SPTLC2: variants seen among roughly 807,000 people sequenced by gnomAD.
SPTLC2 encodes the protein serine palmitoyltransferase long chain base subunit 2, also known as serine palmitoyltransferase 2.
In SPTLC2, 21 loss-of-function variants were observed where a neutral mutation model predicts 62.0. The observed-to-expected ratio is 0.34, with a 90% confidence interval of 0.24 to 0.49. The LOEUF is 0.49. Ranked by LOEUF, SPTLC2 falls within the 20% of genes least tolerant of loss-of-function variation. The probability of loss-of-function intolerance (pLI) is 0.99; values close to 1 mark genes in which losing one functional copy is unlikely to be tolerated. For missense variants in SPTLC2, 511 were observed against 713.0 expected (o/e 0.72, Z 3.23); for synonymous variants, 261 against 261.8 (o/e 1.00, Z 0.03).
At chr14:77,512,522 A>C in intron 11 of SPTLC2, 119 bp from the exon 12 acceptor site, 1 of 1,467,590 alleles carries the variant, frequency 6.8e-7, no homozygotes, top group Non-Finnish European at 9.4e-7. Context: ...ACTTATGTCT[A>C]GTGCATTTAC....
intron 2 of SPTLC2, among the ~76,000 whole-genome samples, chr14:77,592,592 T>A (rs1010345252): frequency 2.6e-5 from 4 of 152,190 alleles, no homozygotes; most frequent in Non-Finnish European, 5.9e-5. Context: ...CCATTTTTAA[T>A]CTACTTATTT....
At position 77,608,862 on chromosome 14, in the gene SPTLC2, G is replaced by A. The variant is rs143794518; in HGVS notation, c.132+7586C>T. 5.9e-3 allele frequency among the ~76,000 whole-genome samples: 898 copies of A among 151,262 alleles called. 13 individuals are homozygous for A. Among genetic ancestry groups the A allele is most frequent in the African/African-American group, 0.021 (850 of 41,220 alleles). ...TGAACTTGGAGGCGGAGGTTGCAGT[G>A]AGCCGAGATCACATCACTGCACTCC... is the stretch of plus-strand genomic sequence containing the variant. On this transcript the variant is annotated intron_variant, in intron 1 of 11. Transcript: ENST00000216484.
intron 9 of SPTLC2, among the ~76,000 whole-genome samples, chr14:77,551,379 AG>A (rs2079554687): frequency 8.6e-6 from 1 of 116,386 alleles, no homozygotes; most frequent in Non-Finnish European, 1.7e-5. Context: ...TGACAGAGTG[AG>A]ACTCCGTCTC....
chr14:77,578,806 C>T, intron 3 of SPTLC2, 149 bp downstream of exon 3: 1 of 770,554 alleles, frequency 1.3e-6, no homozygotes, highest in Non-Finnish European at 2.2e-6. Flanking sequence ...AAAAGCTCAA[C>T]AATGAAGAAT....
intron 9 of SPTLC2, among the ~76,000 whole-genome samples, chr14:77,531,995 ATCTC>A (rs1213216358): frequency 6.6e-6 from 1 of 152,226 alleles, no homozygotes; most frequent in East Asian, 1.9e-4. Flanking sequence ...TAAATTTCTC[ATCTC>A]TCTATTGATG....
At chr14:77,585,725 T>C (rs2079777365) in intron 2 of SPTLC2, among the ~76,000 whole-genome samples, 2 of 152,324 alleles carry the variant, frequency 1.3e-5, no homozygotes, top group South Asian at 4.1e-4. Context: ...TTTACTTTTA[T>C]TCAAAACTTG....
chr14:77,579,936 A>G (rs1175041087), intron 2 of SPTLC2, among the ~76,000 whole-genome samples: 1 of 152,190 alleles, frequency 6.6e-6, no homozygotes, highest in Non-Finnish European at 1.5e-5. Context: ...TAAAAATAAA[A>G]TGTAGTCATA....
intron 2 of SPTLC2, among the ~76,000 whole-genome samples, chr14:77,591,702 G>A (rs1475133387): frequency 7.6e-6 from 1 of 131,282 alleles, no homozygotes; most frequent in Non-Finnish European, 1.6e-5. Context: ...CTGTATGTAT[G>A]TATGTATGTA....
At chr14:77,608,115 G>C (rs57816046) in intron 1 of SPTLC2, among the ~76,000 whole-genome samples, 4,164 of 152,290 alleles carry the variant, frequency 0.027, 183 homozygotes, top group African/African-American at 0.096. Context: ...GGAGAGCTTA[G>C]GGAGAGGTGA....
chr14:77,546,626 T>TTCAAAGGCAAAGA (rs1485094042), intron 9 of SPTLC2, among the ~76,000 whole-genome samples: 1 of 152,146 alleles, frequency 6.6e-6, no homozygotes, highest in Non-Finnish European at 1.5e-5. Flanking sequence ...GGACTGTTTT[T>TTCAAAGGCAAAGA]TCAAAGGCAA....
At position 77,506,294 on chromosome 14, in the gene SPTLC2, A is replaced by AT. The variant is rs149453307; in HGVS notation, c.*5989dup. 44 of 152,358 alleles carry AT rather than the reference A, an allele frequency of 2.9e-4. No individual in the cohort carries two copies. The East Asian group carries it at 6.0e-3, about 21-fold the overall frequency. 9.4% of individuals were successfully genotyped at this position (152,358 alleles called of 1,614,324 possible). On this transcript the variant is annotated 3_prime_UTR_variant, in exon 12 of 12. Coordinates refer to ENST00000216484, the MANE Select transcript of SPTLC2 (RefSeq NM_004863.4). ...TCTCAGTTTCCCAGGTTATATGAAC[A>AT]TTACAGCAATAGAAAGGGGTTATCA...
rs116787204 is a variant in SPTLC2 at position 77,545,451 on chromosome 14, T to C, written c.1303+6645A>G. Among the ~76,000 whole-genome samples the C allele has an allele frequency of 6.5e-3, 993 of 152,216 alleles. 9 individuals are homozygous for C. Among genetic ancestry groups the C allele is most frequent in the African/African-American group, 0.022 (913 of 41,542 alleles). The stretch of plus-strand genomic sequence containing the variant: ...CTGGCTAAATTTTTTTGTATTTCAG[T>C]AGAGACAGGGTTTCGCCATGTTGGT... On this transcript the variant is annotated intron_variant, in intron 9 of 11. Coordinates refer to ENST00000216484, the MANE Select transcript of SPTLC2 (RefSeq NM_004863.4).
At chr14:77,571,819 C>T (rs1289257609) in intron 4 of SPTLC2, among the ~76,000 whole-genome samples, 1 of 152,020 alleles carries the variant, frequency 6.6e-6, no homozygotes, top group Non-Finnish European at 1.5e-5. Flanking sequence ...GAGAGAGAGT[C>T]TCGCACTGTC....
chr14:77,544,348 G>A (rs2079517430), intron 9 of SPTLC2, among the ~76,000 whole-genome samples: 1 of 152,042 alleles, frequency 6.6e-6, no homozygotes, highest in Non-Finnish European at 1.5e-5. Flanking sequence ...ATATTCTAGG[G>A]CCTCATCCAC....
chr14:77,558,133 C>T (rs776822699), intron 6 of SPTLC2, among the ~76,000 whole-genome samples: 3 of 151,758 alleles, frequency 2.0e-5, no homozygotes, highest in Non-Finnish European at 4.4e-5. Flanking sequence ...CTGAGGCCTC[C>T]ACCTCCAAGG....
At chr14:77,557,233 G>A in intron 6 of SPTLC2, 87 bp from the exon 7 acceptor site, 1 of 1,214,620 alleles carries the variant, frequency 8.2e-7, no homozygotes, top group Non-Finnish European at 1.2e-6. Flanking sequence ...TTCTCATTCA[G>A]AAACCATGCC....
At chr14:77,611,916 A>AT (rs756603996) in intron 1 of SPTLC2, among the ~76,000 whole-genome samples, 4 of 151,638 alleles carry the variant, frequency 2.6e-5, no homozygotes, top group African/African-American at 4.9e-5. Flanking sequence ...AGTAAAAATT[A>AT]TTTTTTTAAA....
chr14:77,571,832 C>T (rs1261946890), intron 4 of SPTLC2, among the ~76,000 whole-genome samples: 2 of 152,046 alleles, frequency 1.3e-5, no homozygotes, highest in Non-Finnish European at 2.9e-5. Flanking sequence ...GCACTGTCGC[C>T]CAGGCTGGAG....
chr14:77,593,805 C>T (rs1595011200), intron 2 of SPTLC2, among the ~76,000 whole-genome samples: 1 of 152,056 alleles, frequency 6.6e-6, no homozygotes, highest in East Asian at 1.9e-4. Context: ...TTTTATGATC[C>T]CAAGCAACCA....
Sources: gnomAD v4.1 joint callset for allele counts (sites outside exome capture counted in the v4.1 genomes callset) on GRCh38, gnomAD v4.1.1 for gene constraint, MANE v1.5 for transcripts, NCBI Gene and HGNC (gene_info 2026-07-23, HGNC 2026-07-21) for gene names.